Variants in OR6C2 observed in about 807,000 individuals in gnomAD.
The protein encoded by OR6C2 is olfactory receptor family 6 subfamily C member 2, also known as olfactory receptor 6C2.
For missense variants in OR6C2, 435 were observed against 365.8 expected (o/e 1.19, Z -1.54); for synonymous variants, 146 against 134.2 (o/e 1.09, Z -0.61).
At chr12:55,448,665 A>AAAAAAAAAAAAAAAG (rs1340486558) in intron 1 of OR6C2, among the ~76,000 whole-genome samples, 2 of 146,912 alleles carry the variant, frequency 1.4e-5, no homozygotes, top group East Asian at 2.1e-4. Flanking sequence ...AAAAAGAAAG[A>AAAAAAAAAAAAAAAG]AAAGAAAAGA....
At chr12:55,450,394 G>A (rs1565690996) in intron 1 of OR6C2, among the ~76,000 whole-genome samples, 1 of 152,114 alleles carries the variant, frequency 6.6e-6, no homozygotes, top group Non-Finnish European at 1.5e-5. Flanking sequence ...GAGCTATGAA[G>A]AAGAAAGGTA....
rs866168870 is a variant in OR6C2, at chr12:55,452,949, G to A, written c.736G>A (p.Val246Ile). 6.2e-7 allele frequency: 1 copy of A among 1,613,702 alleles called. No homozygotes were observed. Among genetic ancestry groups the A allele is most frequent in the Non-Finnish European group, 8.5e-7 (1 of 1,179,754 alleles). Residue 246 changes from valine to isoleucine, a missense_variant, in exon 2 of 2, where the codon GTT (valine) becomes ATT (isoleucine). Transcript: ENST00000641202. ...FSTCSSHMIV[V>I]SIAYGSCIFI... ...TACCTGTTCATCCCACATGATTGTG[G>A]TTTCCATTGCCTATGGAAGCTGCAT...
At chr12:55,444,466 T>C (rs1871329529) in intron 1 of OR6C2, among the ~76,000 whole-genome samples, 1 of 152,212 alleles carries the variant, frequency 6.6e-6, no homozygotes, top group African/African-American at 2.4e-5. Flanking sequence ...ATTGCTTATA[T>C]TACATTGCTT....
Position 55,452,393 on chromosome 12 carries a change from T to C in OR6C2, c.180T>C (p.Phe60=). ...DHHLKTPMYF[F]LRNFSFLEVS... is the part of the protein sequence containing the mutation. ...ACCTTAAAACTCCTATGTACTTCTT[T>C]CTCAGAAATTTTTCCTTCTTAGAAG... Residue 60 remains phenylalanine (F), a synonymous_variant, in exon 2 of 2, where the codon TTT becomes TTC. Transcript: ENST00000641202. 1.2e-6 allele frequency: 2 copies of C among 1,613,650 alleles called. No individual in the cohort carries two copies. The highest frequency in any genetic ancestry group is 8.5e-7 in the Non-Finnish European group (1 of 1,179,788).
chr12:55,453,106 C>T lies in OR6C2; in HGVS notation c.893C>T (p.Ala298Val), dbSNP rs74092333. Reference protein sequence around the residue: ...YTLRNKQVKQAFSDSIKRIAF... With the variant: ...YTLRNKQVKQVFSDSIKRIAF... ...TTGAGGAACAAGCAAGTGAAACAAG[C>T]TTTCAGTGACTCTATAAAGAGGATT... The change falls in exon 2 of 2, where the codon GCT (alanine) becomes GTT (valine). Residue 298 changes from alanine (A) to valine (V), a missense_variant. Physicochemically the swap from Ala to Val is moderately conservative, Grantham distance 64. Coordinates refer to ENST00000641202, the MANE Select transcript of OR6C2 (RefSeq NM_054105.2). 10,197 of 1,613,100 alleles carry T rather than the reference C, an allele frequency of 6.3e-3. 374 individuals carry two copies. The African/African-American group carries it at 0.084, about 13-fold the overall frequency.
Position 55,452,768 on chromosome 12 carries a change from C to T in OR6C2, c.555C>T (p.Ile185=). The T allele has an allele frequency of 2.5e-6, 4 of 1,613,836 alleles. No homozygotes were observed. The highest frequency in any genetic ancestry group is 3.4e-6 in the Non-Finnish European group (4 of 1,179,816). Residue 185 remains isoleucine (I), a synonymous_variant, in exon 2 of 2, where the codon ATC becomes ATT. Transcript: ENST00000641202. ...GTGATGCAGGTCCTCTCCTAAAGATCTCATGCTCAGATACATGGGTAATAG... is the reference window on the plus strand; with the variant it reads ...GTGATGCAGGTCCTCTCCTAAAGATTTCATGCTCAGATACATGGGTAATAG... ...FSCDAGPLLK[I]SCSDTWVIEQ...
At chr12:55,450,906 CT>C (rs1398487931) in intron 1 of OR6C2, among the ~76,000 whole-genome samples, 1 of 152,060 alleles carries the variant, frequency 6.6e-6, no homozygotes, top group Non-Finnish European at 1.5e-5. Flanking sequence ...GTGCCCTTAG[CT>C]TCAACAGTAA....
intron 1 of OR6C2, among the ~76,000 whole-genome samples, chr12:55,450,553 G>C (rs1474991319): frequency 1.3e-5 from 2 of 152,096 alleles, no homozygotes; most frequent in Admixed American, 6.6e-5. Flanking sequence ...ACTTGACTTA[G>C]AGCATGTGGT....
Position 55,452,718 on chromosome 12 carries a change from T to C in OR6C2, c.505T>C (p.Ser169Pro), listed in dbSNP as rs1480277527. 6.2e-7 allele frequency: 1 copy of C among 1,613,876 alleles called. No individual in the cohort carries two copies. Among genetic ancestry groups the C allele is most frequent in the Non-Finnish European group, 8.5e-7 (1 of 1,179,850 alleles). The change falls in exon 2 of 2, where the codon TCC (serine) becomes CCC (proline). Residue 169 changes from serine to proline, a missense_variant. By Grantham distance (74) the Ser-to-Pro change is moderately conservative. Transcript: ENST00000641202. Reference sequence around the variant, plus strand: ...AGGCCTCCAGCTCGAATTCTGTGACTCCAATGCCATTGATCATTTTAGCTG... The same window carrying C: ...AGGCCTCCAGCTCGAATTCTGTGACCCCAATGCCATTGATCATTTTAGCTG... ...SLGLQLEFCD[S>P]NAIDHFSCDA...
rs761176282 is a variant in OR6C2, at chr12:55,452,720, C to T, written c.507C>T (p.Ser169=). 1.2e-5 allele frequency: 20 copies of T among 1,613,678 alleles called. No homozygotes were observed. The highest frequency in any genetic ancestry group is 1.5e-5 in the Non-Finnish European group (18 of 1,179,836). Residue 169 remains serine (S), a synonymous_variant, in exon 2 of 2, where the codon TCC becomes TCT. Transcript: ENST00000641202. ...SLGLQLEFCD[S]NAIDHFSCDA... ...GCCTCCAGCTCGAATTCTGTGACTC[C>T]AATGCCATTGATCATTTTAGCTGTG...
At position 55,452,941 on chromosome 12, in the gene OR6C2, T is replaced by C. The variant is rs771577491; in HGVS notation, c.728T>C (p.Met243Thr). Residue 243 changes from methionine to threonine, a missense_variant, in exon 2 of 2, where the codon ATG (methionine) becomes ACG (threonine). Transcript: ENST00000641202. ...KKAFSTCSSH[M>T]IVVSIAYGSC... ...GCCTTTTCTACCTGTTCATCCCACA[T>C]GATTGTGGTTTCCATTGCCTATGGA... 1.9e-6 allele frequency: 3 copies of C among 1,613,766 alleles called. No homozygotes were observed. Among genetic ancestry groups the C allele is most frequent in the Non-Finnish European group, 2.5e-6 (3 of 1,179,754 alleles).
At chr12:55,447,191 T>A (rs1871379546) in intron 1 of OR6C2, among the ~76,000 whole-genome samples, 1 of 152,134 alleles carries the variant, frequency 6.6e-6, no homozygotes. Context: ...TGAGGTATAA[T>A]CTATACTAAA....
chr12:55,450,463 G>A lies in OR6C2; in HGVS notation c.-887-864G>A, dbSNP rs984802176. On this transcript the variant is annotated intron_variant, in intron 1 of 1. Transcript: ENST00000641202. The stretch of plus-strand genomic sequence containing the variant: ...GGAAGGTCCTGCCCATGAAGAGCCT[G>A]GCAGTCCACATGAAAGTGATTAACC... 3.9e-5 allele frequency among the ~76,000 whole-genome samples: 6 copies of A among 152,048 alleles called. No individual in the cohort carries two copies. In the South Asian group the frequency reaches 6.2e-4, roughly 16 times the overall value.
rs747243106 is a variant in OR6C2 at position 55,452,403 on chromosome 12, T to G, written c.190T>G (p.Phe64Val). ...TCCTATGTACTTCTTTCTCAGAAAT[T>G]TTTCCTTCTTAGAAGTCTCATTTAC... ...KTPMYFFLRN[F>V]SFLEVSFTTV... The change falls in exon 2 of 2, where the codon TTT becomes GTT. Residue 64 changes from phenylalanine (F) to valine (V), a missense_variant. Transcript: ENST00000641202. 6.2e-7 allele frequency: 1 copy of G among 1,613,572 alleles called. No homozygotes were observed. The highest frequency in any genetic ancestry group is 2.2e-5 in the East Asian group (1 of 44,878).
At chr12:55,449,121 G>T (rs1324414165) in intron 1 of OR6C2, among the ~76,000 whole-genome samples, 1 of 151,816 alleles carries the variant, frequency 6.6e-6, no homozygotes, top group African/African-American at 2.4e-5. Flanking sequence ...TGGTATGAAA[G>T]AAACAGACTT....
chr12:55,448,770 T>C (rs1349541179), intron 1 of OR6C2, among the ~76,000 whole-genome samples: 1 of 151,690 alleles, frequency 6.6e-6, no homozygotes. Context: ...TTAGGTGGAC[T>C]GATGTACTGG....
intron 1 of OR6C2, among the ~76,000 whole-genome samples, chr12:55,450,952 G>A (rs1270244363): frequency 1.3e-5 from 2 of 152,034 alleles, no homozygotes; most frequent in African/African-American, 4.8e-5. Flanking sequence ...GGGTGGAGGT[G>A]AAAGTGAGGA....
intron 1 of OR6C2, among the ~76,000 whole-genome samples, chr12:55,448,643 CAAA>C (rs59178718): frequency 2.9e-4 from 21 of 71,722 alleles, no homozygotes; most frequent in African/African-American, 1.0e-3. Context: ...CCATTCACTG[CAAA>C]AAAAAAAAAA....
chr12:55,450,327 C>G (rs1871443703), intron 1 of OR6C2, among the ~76,000 whole-genome samples: 1 of 152,008 alleles, frequency 6.6e-6, no homozygotes, highest in African/African-American at 2.4e-5. Flanking sequence ...TTAGCCTGTG[C>G]AGACAAGAGC....
Sources: gnomAD v4.1 joint callset for allele counts (sites outside exome capture counted in the v4.1 genomes callset) on GRCh38, gnomAD v4.1.1 for gene constraint, MANE v1.5 for transcripts, NCBI Gene and HGNC (gene_info 2026-07-23, HGNC 2026-07-21) for gene names.